USP6NL: variants seen among roughly 807,000 people sequenced by gnomAD.
The protein encoded by USP6NL is USP6 N-terminal like.
Under a neutral mutation model 61.9 loss-of-function variants are expected in USP6NL, and 26 were observed. The observed-to-expected ratio is 0.42, with a 90% CI of 0.31 to 0.58. The LOEUF (loss-of-function observed/expected upper bound fraction) is 0.58, where lower values mean the gene tolerates loss of function less well. USP6NL is among the 20% of genes least tolerant of loss of function. The pLI, the probability that USP6NL is intolerant of heterozygous loss-of-function variation, is 0.16. For synonymous variants in USP6NL, 432 were observed against 390.1 expected, an observed-to-expected ratio of 1.11 and a Z score of -1.27; for missense variants, 1,114 against 1,034.3, an observed-to-expected ratio of 1.08 and a Z score of -1.06.
Position 11,489,343 on chromosome 10 carries a change from T to C in USP6NL, c.544-121A>G. On this transcript the variant is annotated intron_variant, in intron 9 of 14. Coordinates refer to ENST00000609104, the MANE Select transcript of USP6NL (RefSeq NM_014688.5). This position sits in a 1 kb window ranked among gnomAD's most constrained non-coding sequence, Gnocchi z 5.7. The stretch of plus-strand genomic sequence containing the variant: ...CTACACACATCATTTAATGGTCCAT[T>C]CTAGAGACAAATACTATACTCTTTA... The C allele has an allele frequency of 1.0e-5, 13 of 1,302,930 alleles. No homozygotes were observed. The highest frequency in any genetic ancestry group is 1.4e-5 in the Non-Finnish European group (13 of 958,912). 80.7% of individuals were successfully genotyped at this position (1,302,930 alleles called of 1,614,324 possible).
At position 11,598,201 on chromosome 10, in the gene USP6NL, T is replaced by G. The variant is rs1160988859; in HGVS notation, c.-83-484A>C. On this transcript the variant is annotated intron_variant, in intron 1 of 14. Transcript: ENST00000609104. This position sits in a 1 kb window ranked among gnomAD's most constrained non-coding sequence, Gnocchi z 4.7. The stretch of plus-strand genomic sequence containing the variant: ...AATATTTTCTTCATTATAAAAGTAA[T>G]ATGGGTTCATTGTTTTAAAAACAAA... Among the ~76,000 whole-genome samples the G allele has an allele frequency of 6.6e-6, 1 of 152,238 alleles. No homozygotes were observed. Among genetic ancestry groups the G allele is most frequent in the Non-Finnish European group, 1.5e-5 (1 of 68,028 alleles).
intron 2 of USP6NL, among the ~76,000 whole-genome samples, chr10:11,549,752 T>C (rs532754942): frequency 7.4e-4 from 113 of 152,326 alleles, no homozygotes; most frequent in African/African-American, 2.7e-3. Context: ...ATGAACAATG[T>C]TTTTCCTTTA....
At chr10:11,581,415 T>A (rs1384555324) in intron 2 of USP6NL, among the ~76,000 whole-genome samples, 2 of 152,270 alleles carry the variant, frequency 1.3e-5, no homozygotes, top group Non-Finnish European at 2.9e-5. Flanking sequence ...ACAAATTCTT[T>A]TGATCATACG....
At chr10:11,502,591 T>C (rs1015344094) in intron 6 of USP6NL, among the ~76,000 whole-genome samples, 78 of 152,220 alleles carry the variant, frequency 5.1e-4, no homozygotes, top group African/African-American at 9.7e-5. Context: ...GTTCTAATAA[T>C]TGAAATATTG....
intron 2 of USP6NL, among the ~76,000 whole-genome samples, chr10:11,582,830 C>A (rs1371045451): frequency 2.0e-5 from 3 of 151,520 alleles, no homozygotes; most frequent in Non-Finnish European, 4.4e-5. Context: ...TATATTATTC[C>A]AATTTATCTT....
In USP6NL at chr10:11,468,831, G is replaced by A. The variant is rs1323591242; in HGVS notation, c.1079-4982C>T. ...GTAGAATTACCAATATAAGGCATGT[G>A]TTTCTTAGGAGAAAGAAAAAACCAA... is the stretch of plus-strand genomic sequence containing the variant. On this transcript the variant is annotated intron_variant, in intron 14 of 14. Coordinates refer to ENST00000609104, the MANE Select transcript of USP6NL (RefSeq NM_014688.5). The surrounding 1 kb of genome is among the most constrained non-coding windows in gnomAD (Gnocchi z 4.5). Among the ~76,000 whole-genome samples, 1 of 152,044 alleles carries A rather than the reference G, an allele frequency of 6.6e-6. No homozygotes were observed. Among genetic ancestry groups the A allele is most frequent in the Non-Finnish European group, 1.5e-5 (1 of 67,936 alleles).
intron 2 of USP6NL, among the ~76,000 whole-genome samples, chr10:11,577,330 C>T (rs181602013): frequency 6.6e-6 from 1 of 152,176 alleles, no homozygotes; most frequent in Non-Finnish European, 1.5e-5. Context: ...TCCCAAAGTG[C>T]TGGGATTACA....
rs1452184132 is a variant in USP6NL at position 11,553,490 on chromosome 10, A to C, written c.5-25923T>G. ...CTGTTATGTATGCCAAAACTAAATA[A>C]AAGGCTGAAAATCAATGTTCCTTAA... On this transcript the variant is annotated intron_variant, in intron 2 of 14. Coordinates refer to ENST00000609104, the MANE Select transcript of USP6NL (RefSeq NM_014688.5). This position sits in a 1 kb window ranked among gnomAD's most constrained non-coding sequence, Gnocchi z 4.8. Among the ~76,000 whole-genome samples the C allele has an allele frequency of 6.6e-6, 1 of 152,222 alleles. No individual in the cohort carries two copies. The highest frequency in any genetic ancestry group is 2.4e-5 in the African/African-American group (1 of 41,454).
At chr10:11,568,195 G>A (rs61844597) in intron 2 of USP6NL, among the ~76,000 whole-genome samples, 12,442 of 151,942 alleles carry the variant, frequency 0.082, 728 homozygotes, top group East Asian at 0.16. Context: ...GTGCTTGTAT[G>A]CAAAGAGTAA....
chr10:11,494,479 C>T (rs992223554), intron 7 of USP6NL, among the ~76,000 whole-genome samples: 6 of 152,012 alleles, frequency 3.9e-5, no homozygotes, highest in East Asian at 3.9e-4. Flanking sequence ...CCGTGTGTGG[C>T]GACGAGAGAG....
In USP6NL at chr10:11,600,905, C is replaced by G. The variant is rs965820327; in HGVS notation, c.-83-3188G>C. ...ATTGCTTGAGCCTGGGAGGTGGAGGCTGCAGTAAGCCAAGATCGCACCACT... is the reference window on the plus strand; with the variant it reads ...ATTGCTTGAGCCTGGGAGGTGGAGGGTGCAGTAAGCCAAGATCGCACCACT... On this transcript the variant is annotated intron_variant, in intron 1 of 14. Coordinates refer to ENST00000609104, the MANE Select transcript of USP6NL (RefSeq NM_014688.5). The surrounding 1 kb of genome is among the most constrained non-coding windows in gnomAD (Gnocchi z 4.1). Among the ~76,000 whole-genome samples, 3 of 151,760 alleles carry G rather than the reference C, an allele frequency of 2.0e-5. No individual in the cohort carries two copies. The highest frequency in any genetic ancestry group is 4.4e-5 in the Non-Finnish European group (3 of 67,960).
At position 11,562,888 on chromosome 10, in the gene USP6NL, A is replaced by C; in HGVS notation, c.4+34743T>G. On this transcript the variant is annotated intron_variant, in intron 2 of 14. Transcript: ENST00000609104. The surrounding 1 kb of genome is among the most constrained non-coding windows in gnomAD (Gnocchi z 4.8). ...AAAAGTAGACATCCACTTACCATGC[A>C]ATCTATGAATCACATTCCTGGGTAT... The C allele has an allele frequency of 1.9e-6, 1 of 527,964 alleles. No individual in the cohort carries two copies. The highest frequency in any genetic ancestry group is 2.4e-6 in the Non-Finnish European group (1 of 412,144). 32.7% of individuals were successfully genotyped at this position (527,964 alleles called of 1,614,324 possible). A position where few individuals can be genotyped will look rare whatever the true frequency, so the allele number is the denominator to read the frequency against.
In USP6NL at chr10:11,496,449, T is replaced by C. The variant is rs898809289; in HGVS notation, c.385-3221A>G. Among the ~76,000 whole-genome samples the C allele has an allele frequency of 6.6e-6, 1 of 152,256 alleles. No homozygotes were observed. Among genetic ancestry groups the C allele is most frequent in the African/African-American group, 2.4e-5 (1 of 41,466 alleles). ...TGTCTGCATTCTCATTTTCCAAAAC[T>C]GGTAGCTGTTAAGCATCTCCCATTT... On this transcript the variant is annotated intron_variant, in intron 7 of 14. Coordinates refer to ENST00000609104, the MANE Select transcript of USP6NL (RefSeq NM_014688.5). The surrounding 1 kb of genome is among the most constrained non-coding windows in gnomAD (Gnocchi z 5.4).
At chr10:11,477,815 G>A (rs1329881687) in intron 14 of USP6NL, among the ~76,000 whole-genome samples, 2 of 152,128 alleles carry the variant, frequency 1.3e-5, no homozygotes, top group Non-Finnish European at 2.9e-5. Context: ...AATTATTAAT[G>A]TGAAAAGGTT....
intron 2 of USP6NL, among the ~76,000 whole-genome samples, chr10:11,558,116 TGACAA>T (rs1460730631): frequency 6.6e-6 from 1 of 152,148 alleles, no homozygotes; most frequent in Non-Finnish European, 1.5e-5. Context: ...GCCGTAAAGT[TGACAA>T]GACCCTATTT....
intron 2 of USP6NL, among the ~76,000 whole-genome samples, chr10:11,541,751 C>A (rs1479080478): frequency 6.6e-6 from 1 of 151,928 alleles, no homozygotes; most frequent in African/African-American, 2.4e-5. Context: ...TAAAGTTACT[C>A]CAATATCAAG....
chr10:11,579,884 A>G (rs901242814), intron 2 of USP6NL, among the ~76,000 whole-genome samples: 1 of 151,492 alleles, frequency 6.6e-6, no homozygotes, highest in Non-Finnish European at 1.5e-5. Flanking sequence ...CAATACACAG[A>G]CAATACACAC....
chr10:11,593,584 C>T (rs1838226718), intron 2 of USP6NL, among the ~76,000 whole-genome samples: 1 of 152,086 alleles, frequency 6.6e-6, no homozygotes. Context: ...AATCAAAAGG[C>T]TTTTTGTGGA....
chr10:11,500,458 TAA>T (rs1477427430), intron 7 of USP6NL, among the ~76,000 whole-genome samples: 2 of 152,182 alleles, frequency 1.3e-5, no homozygotes, highest in African/African-American at 4.8e-5. Flanking sequence ...TTCTTAGATG[TAA>T]ATCTCTTACT....
Sources: allele counts gnomAD v4.1 joint callset (sites outside exome capture counted in the v4.1 genomes callset), GRCh38; gene constraint gnomAD v4.1.1; non-coding constraint Gnocchi (gnomAD v3.1); transcripts MANE v1.5; gene names NCBI Gene and HGNC (gene_info 2026-07-23, HGNC 2026-07-21).